Variants in MYH9 observed in about 807,000 individuals in gnomAD.
MYH9 encodes myosin heavy chain 9.
A neutral mutation model predicts 241.9 loss-of-function variants in MYH9; 29 were observed. The ratio of observed to expected loss-of-function variants is 0.12; its 90% CI spans 0.09 to 0.16. The LOEUF (loss-of-function observed/expected upper bound fraction) is 0.16, where lower values mean the gene tolerates loss of function less well. Among genes scored for constraint, MYH9 ranks in the 10% least tolerant of loss-of-function variants. MYH9 has a pLI of 1.00. For synonymous variants in MYH9, 1,047 were observed against 1,062.6 expected, an observed-to-expected ratio of 0.99 and a Z score of 0.29; for missense variants, 1,803 against 2,595.5, an observed-to-expected ratio of 0.69 and a Z score of 6.63.
chr22:36,284,361 C>T, intron 39 of MYH9, 42 bp downstream of exon 39: 1 of 1,608,140 alleles, frequency 6.2e-7, no homozygotes, highest in South Asian at 1.1e-5. Context: ...CATCTGCTGC[C>T]CAGCCCCGCT....
Position 36,290,420 on chromosome 22 carries a change from A to G in MYH9, c.4345-1123T>C, listed in dbSNP as rs545414691. 1.1e-4 allele frequency among the ~76,000 whole-genome samples: 17 copies of G among 152,192 alleles called. No individual in the cohort carries two copies. The South Asian group carries it at 2.3e-3, about 20-fold the overall frequency. On this transcript the variant is annotated intron_variant, in intron 31 of 40. Coordinates refer to ENST00000216181, the MANE Select transcript of MYH9 (RefSeq NM_002473.6). ...ATAATTATAATAATGTAATGATATAATGATAATTAAAGTGATTTTAACTCA... is the reference window on the plus strand; with the variant it reads ...ATAATTATAATAATGTAATGATATAGTGATAATTAAAGTGATTTTAACTCA...
chr22:36,302,942 G>A (rs1292015473), intron 19 of MYH9, among the ~76,000 whole-genome samples: 1 of 152,198 alleles, frequency 6.6e-6, no homozygotes, highest in Non-Finnish European at 1.5e-5. Context: ...TGGGGGTGAA[G>A]GCACGTGTGA....
In MYH9 at chr22:36,305,330, T is replaced by C. The variant is rs557362785; in HGVS notation, c.2160-228A>G. 2.0e-5 allele frequency among the ~76,000 whole-genome samples: 3 copies of C among 152,322 alleles called. No homozygotes were observed. Among genetic ancestry groups the C allele is most frequent in the Non-Finnish European group, 2.9e-5 (2 of 68,026 alleles). ...TCCGGAAAGTGAATGGAAACTCGTG[T>C]AGGACCGTTTCAATCACTCAAGGGC... On this transcript the variant is annotated intron_variant, in intron 17 of 40. Transcript: ENST00000216181. This position sits in a 1 kb window ranked among gnomAD's most constrained non-coding sequence, Gnocchi z 4.7.
chr22:36,354,456 T>C (rs1241167623), intron 1 of MYH9, among the ~76,000 whole-genome samples: 1 of 148,900 alleles, frequency 6.7e-6, no homozygotes, highest in Non-Finnish European at 1.5e-5. Context: ...CATCTTTATT[T>C]TTTTTTGAGA....
chr22:36,360,365 T>C (rs2017919294), intron 1 of MYH9, among the ~76,000 whole-genome samples: 1 of 152,046 alleles, frequency 6.6e-6, no homozygotes, highest in South Asian at 2.1e-4. Flanking sequence ...CCTATGGCCC[T>C]CTTGCAATCA....
chr22:36,284,675 C>T (rs1013232303), intron 38 of MYH9, among the ~76,000 whole-genome samples, 164 bp from the exon 39 acceptor site: 20 of 152,136 alleles, frequency 1.3e-4, no homozygotes, highest in African/African-American at 4.8e-4. Flanking sequence ...TTACGACGGG[C>T]ACTGCAAATA....
At chr22:36,291,633 T>C (rs1340973041) in intron 31 of MYH9, among the ~76,000 whole-genome samples, 1 of 138,932 alleles carries the variant, frequency 7.2e-6, no homozygotes, top group Non-Finnish European at 1.5e-5. Flanking sequence ...CCTATGACCC[T>C]GCCAAATCCC....
At chr22:36,363,127 C>A (rs1425133760) in intron 1 of MYH9, among the ~76,000 whole-genome samples, 1 of 152,174 alleles carries the variant, frequency 6.6e-6, no homozygotes, top group African/African-American at 2.4e-5. Flanking sequence ...CATGCCATCG[C>A]CCCCAGGCAG....
chr22:36,347,425 A>G (rs2017694224), intron 2 of MYH9, among the ~76,000 whole-genome samples: 3 of 151,782 alleles, frequency 2.0e-5, no homozygotes, highest in Admixed American at 2.0e-4. Flanking sequence ...AACCCACACC[A>G]ACAAGCATCC....
In MYH9 at chr22:36,295,760, C is replaced by A; in HGVS notation, c.3273-43G>T. ...AACATCAGTATAAGGAGAGTTTCAC[C>A]TCCAAGGAGCAGAGTTTGCAGGACA... On this transcript the variant is annotated intron_variant, in intron 25 of 40. Coordinates refer to ENST00000216181, the MANE Select transcript of MYH9 (RefSeq NM_002473.6). This position sits in a 1 kb window ranked among gnomAD's most constrained non-coding sequence, Gnocchi z 4.1. The A allele has an allele frequency of 6.4e-7, 1 of 1,568,710 alleles. No homozygotes were observed.
chr22:36,312,100 G>T lies in MYH9; in HGVS notation c.1677C>A (p.Pro559=), dbSNP rs770906668. The T allele has an allele frequency of 2.5e-6, 4 of 1,614,062 alleles. No individual in the cohort carries two copies. In the African/African-American group the frequency reaches 4.0e-5, roughly 16 times the overall value. ...AATCAGCTTTGTCCTTCAGCTGCTT[G>T]GGCTTCTGGAACTTGGGGTGGGTGC... ...EQGTHPKFQK[P]KQLKDKADFC... is the part of the protein sequence containing the mutation. Residue 559 remains proline (P), a synonymous_variant, in exon 14 of 41, where the codon CCC becomes CCA. Transcript: ENST00000216181.
At chr22:36,357,906 G>C (rs2017880474) in intron 1 of MYH9, among the ~76,000 whole-genome samples, 1 of 152,218 alleles carries the variant, frequency 6.6e-6, no homozygotes, top group Non-Finnish European at 1.5e-5. Flanking sequence ...AGGCAGAAGA[G>C]ACTGATGTGC....
chr22:36,351,696 C>T (rs1447877699), intron 1 of MYH9, among the ~76,000 whole-genome samples: 2 of 152,088 alleles, frequency 1.3e-5, no homozygotes, highest in African/African-American at 4.8e-5. Context: ...GACCTTGCAG[C>T]AATCACAGAA....
At chr22:36,336,237 C>T (rs952151242) in intron 3 of MYH9, among the ~76,000 whole-genome samples, 2 of 152,232 alleles carry the variant, frequency 1.3e-5, no homozygotes, top group African/African-American at 4.8e-5. Flanking sequence ...TTTCTACTCA[C>T]TGGGGAGATA....
At chr22:36,360,529 C>T (rs1016167512) in intron 1 of MYH9, among the ~76,000 whole-genome samples, 7 of 151,790 alleles carry the variant, frequency 4.6e-5, no homozygotes, top group Middle Eastern at 3.2e-3. Context: ...CTGGCTAACA[C>T]GGTGAAACCC....
intron 15 of MYH9, 105 bp downstream of exon 15, chr22:36,309,177 G>A (rs2017019927): frequency 2.1e-6 from 2 of 959,664 alleles, no homozygotes; most frequent in Non-Finnish European, 3.3e-6. Flanking sequence ...CCTATGTCAG[G>A]GGGCACATGT....
chr22:36,369,206 T>G (rs2018055758), intron 1 of MYH9, among the ~76,000 whole-genome samples: 1 of 152,198 alleles, frequency 6.6e-6, no homozygotes. Context: ...TCTATTTCTT[T>G]CTGTCTAACA....
rs917535437 is a variant in MYH9 at position 36,330,102 on chromosome 22, T to G, written c.491-2614A>C. ...CAAATTCCGAAACCCCAGAGCCAAA[T>G]TCAGTGTCTCCTCTCCATCCACCCG... is the stretch of plus-strand genomic sequence containing the variant. On this transcript the variant is annotated intron_variant, in intron 3 of 40. Transcript: ENST00000216181. The surrounding 1 kb of genome is among the most constrained non-coding windows in gnomAD (Gnocchi z 4.5). 6.6e-6 allele frequency among the ~76,000 whole-genome samples: 1 copy of G among 152,152 alleles called. No individual in the cohort carries two copies. The highest frequency in any genetic ancestry group is 2.4e-5 in the African/African-American group (1 of 41,438).
rs57101170 is a variant in MYH9, at chr22:36,313,451, CAAAAAAAA to C, written c.1554+686_1554+693del. Among the ~76,000 whole-genome samples the C allele has an allele frequency of 2.3e-4, 12 of 52,934 alleles. No homozygotes were observed. In the East Asian group the frequency reaches 3.3e-3, roughly 14 times the overall value. 34.7% of individuals were successfully genotyped at this position (52,934 alleles called of 152,430 possible). On this transcript the variant is annotated intron_variant, in intron 13 of 40. Coordinates refer to ENST00000216181, the MANE Select transcript of MYH9 (RefSeq NM_002473.6). ...TGGGCGACAGAGCGAGACTCCGTCT[CAAAAAAAA>C]AAAAAAAAAAAAAAAGAAGAAAACC...
Sources: gnomAD v4.1 joint callset for allele counts (sites outside exome capture counted in the v4.1 genomes callset) on GRCh38, gnomAD v4.1.1 for gene constraint, Gnocchi (gnomAD v3.1) non-coding constraint, MANE v1.5 for transcripts, NCBI Gene and HGNC (gene_info 2026-07-23, HGNC 2026-07-21) for gene names.